The following NBPF26 variants were observed in gnomAD, a reference collection of about 807,000 sequenced individuals.
NBPF26 encodes NBPF family member NBPF26.
Under a neutral mutation model 119.6 loss-of-function variants are expected in NBPF26, and 79 were observed. That is an observed-to-expected ratio of 0.66 (90% CI 0.55 to 0.80). The LOEUF is 0.80. Ranked by LOEUF, NBPF26 falls within the 30% of genes least tolerant of loss-of-function variation. The probability of loss-of-function intolerance (pLI) is 0.00; values close to 1 mark genes in which losing one functional copy is unlikely to be tolerated. For missense variants in NBPF26, 800 were observed against 1,198.2 expected, an observed-to-expected ratio of 0.67 and a Z score of 4.91; for synonymous variants, 299 against 457.7, an observed-to-expected ratio of 0.65 and a Z score of 4.43.
chr1:120,728,084 C>T (rs1356110017), intron 1 of NBPF26, among the ~76,000 whole-genome samples: 2 of 118,260 alleles, frequency 1.7e-5, no homozygotes, highest in Non-Finnish European at 3.3e-5. Flanking sequence ...TCACTGTCCA[C>T]GTTGCTTCCA....
At chr1:120,810,664 T>C (rs1651839218) in intron 9 of NBPF26, 106 bp downstream of exon 9, 1 of 1,292,440 alleles carries the variant, frequency 7.7e-7, no homozygotes, top group East Asian at 2.4e-5. Flanking sequence ...AGTCAGAAAC[T>C]GGGATGGAGC....
Position 120,823,750 on chromosome 1 carries a change from C to CTCTGTG in NBPF26, c.2640-222_2640-217dup, listed in dbSNP as rs1553272341. On this transcript the variant is annotated intron_variant, in intron 17 of 29. Transcript: ENST00000620612. ...TCACCTGACCAATTCACTGAGCTCG[C>CTCTGTG]TCTGTGTGTGTGTGTGTGTGTGTGT... Among the ~76,000 whole-genome samples, 77 of 32,524 alleles carry CTCTGTG rather than the reference C, an allele frequency of 2.4e-3. 19 individuals carry two copies. Among genetic ancestry groups the CTCTGTG allele is most frequent in the African/African-American group, 0.017 (69 of 4,026 alleles). The allele number at this position is 32,524 out of a possible 152,430, so 21.3% of individuals were successfully genotyped here. A position where few individuals can be genotyped will look rare whatever the true frequency, so the allele number is the denominator to read the frequency against.
At chr1:120,832,705 C>T (rs1456093678) in intron 22 of NBPF26, among the ~76,000 whole-genome samples, 170 bp from the exon 27 acceptor site, 25 of 120,040 alleles carry the variant, frequency 2.1e-4, no homozygotes, top group Admixed American at 9.4e-4. Flanking sequence ...GGAGAAAAAC[C>T]GAGGAATTTC....
chr1:120,807,206 A>G (rs1293095149), intron 5 of NBPF26, among the ~76,000 whole-genome samples: 36 of 126,424 alleles, frequency 2.8e-4, no homozygotes, highest in South Asian at 4.7e-4. Context: ...GGAAACCATC[A>G]GTCCCATAGT....
chr1:120,816,308 G>A lies in NBPF26; in HGVS notation c.2165+151G>A, dbSNP rs2101522882. On this transcript the variant is annotated intron_variant, in intron 13 of 29. Transcript: ENST00000620612. ...ATAACCCAGCTTAGACACAGGGTGC[G>A]GTAGCTGTCATGTTTCTCTATGTGT... The A allele has an allele frequency of 2.5e-5, 19 of 767,628 alleles. 2 individuals carry two copies. The highest frequency in any genetic ancestry group is 2.1e-4 in the South Asian group (14 of 67,002). The allele number at this position is 767,628 out of a possible 1,614,324, so 47.6% of individuals were successfully genotyped here.
rs1479038331 is a variant in NBPF26, at chr1:120,806,516, C to T, written c.961+751C>T. ...GCTGAGGCAGAAGAATCCTTTGAACCCAGCAGGCAGATGTTGCAGTGAGCC... is the reference window on the plus strand; with the variant it reads ...GCTGAGGCAGAAGAATCCTTTGAACTCAGCAGGCAGATGTTGCAGTGAGCC... On this transcript the variant is annotated intron_variant, in intron 5 of 29. Coordinates refer to ENST00000620612, the Ensembl canonical transcript of NBPF26. 5.7e-5 allele frequency among the ~76,000 whole-genome samples: 7 copies of T among 123,310 alleles called. 1 individual carries two copies. In the South Asian group the frequency reaches 1.7e-3, roughly 30 times the overall value. The allele number at this position is 123,310 out of a possible 152,430, so 80.9% of individuals were successfully genotyped here.
At chr1:120,804,640 C>A in intron 4 of NBPF26, among the ~76,000 whole-genome samples, 1 of 119,572 alleles carries the variant, frequency 8.4e-6, no homozygotes, top group South Asian at 2.5e-4. Context: ...ACTAGAATGA[C>A]ATCTATAAGT....
exon 9 of NBPF26, chr1:120,810,547 A>G: frequency 6.6e-7 from 1 of 1,508,512 alleles, no homozygotes. Flanking sequence ...GATGCTCTAA[A>G]CATTCTCCCA....
downstream of NBPF26, chr1:120,840,851 C>G: frequency 1.9e-6 from 1 of 518,894 alleles, no homozygotes; most frequent in Non-Finnish European, 3.2e-6. Context: ...TTAATTTGAA[C>G]CACGTATCTC....
rs1454312486 is a variant in NBPF26 at position 120,804,659 on chromosome 1, T to G, written c.752-897T>G. On this transcript the variant is annotated intron_variant, in intron 4 of 29. Transcript: ENST00000620612. The stretch of plus-strand genomic sequence containing the variant: ...GAATGACATCTATAAGTGACAAGTT[T>G]AAAATGTAGTGCTCAGTGACATTAA... 8.3e-3 allele frequency among the ~76,000 whole-genome samples: 1,001 copies of G among 119,996 alleles called. 227 individuals carry two copies. Among genetic ancestry groups the G allele is most frequent in the African/African-American group, 0.043 (962 of 22,454 alleles). 78.7% of individuals were successfully genotyped at this position (119,996 alleles called of 152,430 possible). A position where few individuals can be genotyped will look rare whatever the true frequency, so the allele number is the denominator to read the frequency against.
At position 120,763,099 on chromosome 1, in the gene NBPF26, T is replaced by C. The variant is rs1273126875; in HGVS notation, c.74-529T>C. Among the ~76,000 whole-genome samples, 6 of 67,436 alleles carry C rather than the reference T, an allele frequency of 8.9e-5. 1 individual carries two copies. Among genetic ancestry groups the C allele is most frequent in the Admixed American group, 8.8e-4 (6 of 6,842 alleles). 44.2% of individuals were successfully genotyped at this position (67,436 alleles called of 152,430 possible). A position where few individuals can be genotyped will look rare whatever the true frequency, so the allele number is the denominator to read the frequency against. ...TATTCCATTTCTCCTTTTTTCTGGA[T>C]CCTAATTTTGTGCCTGGTGCATACT... is the stretch of plus-strand genomic sequence containing the variant. On this transcript the variant is annotated intron_variant, in intron 1 of 29. Transcript: ENST00000620612.
intron 27 of NBPF26, among the ~76,000 whole-genome samples, 193 bp from the exon 34 acceptor site, chr1:120,838,546 GTCTATC>G (rs1245915249): frequency 1.5e-4 from 12 of 79,448 alleles, no homozygotes; most frequent in African/African-American, 7.0e-4. Context: ...GTGTGTGTGT[GTCTATC>G]TGTCTTTCTC....
rs1246058665 is a variant in NBPF26, at chr1:120,754,045, CA to C, written c.74-9575del. Reference sequence around the variant, plus strand: ...TGAAACCCTGTCTCTACTAAAAATACAAAAAAAATTAGCCGGATGTGGTGGC... The same window carrying C: ...TGAAACCCTGTCTCTACTAAAAATACAAAAAAATTAGCCGGATGTGGTGGC... On this transcript the variant is annotated intron_variant, in intron 1 of 29. Coordinates refer to ENST00000620612, the Ensembl canonical transcript of NBPF26. Among the ~76,000 whole-genome samples, 2 of 80,316 alleles carry C rather than the reference CA, an allele frequency of 2.5e-5. 1 individual carries two copies. The highest frequency in any genetic ancestry group is 4.3e-5 in the Non-Finnish European group (2 of 46,446). The allele number at this position is 80,316 out of a possible 152,430, so 52.7% of individuals were successfully genotyped here. A position where few individuals can be genotyped will look rare whatever the true frequency, so the allele number is the denominator to read the frequency against.
At position 120,812,186 on chromosome 1, in the gene NBPF26, G is replaced by T. The variant is rs1257872462; in HGVS notation, c.1774+91G>T. The T allele has an allele frequency of 5.4e-5, 49 of 899,366 alleles. 5 individuals are homozygous for T. Among genetic ancestry groups the T allele is most frequent in the Admixed American group, 1.5e-4 (7 of 47,650 alleles). The allele number at this position is 899,366 out of a possible 1,614,324, so 55.7% of individuals were successfully genotyped here. ...AAATGCTCTCTCCATCAAAAATAAT[G>T]TCATCCTCCCCGTACTTCTAGGAAA... On this transcript the variant is annotated intron_variant, in intron 10 of 29. Coordinates refer to ENST00000620612, the Ensembl canonical transcript of NBPF26.
chr1:120,793,174 A>G, exon 4 of NBPF26: 4 of 1,435,484 alleles, frequency 2.8e-6, no homozygotes, highest in Non-Finnish European at 3.7e-6. Flanking sequence ...AGGAGTGCCA[A>G]TGGACCGATG....
chr1:120,785,100 A>C, exon 3 of NBPF26: 1 of 1,446,202 alleles, frequency 6.9e-7, no homozygotes, highest in Non-Finnish European at 9.2e-7. Context: ...GGTGTGCCTC[A>C]GGGTTTACAG....
rs1224449073 is a variant in NBPF26 at position 120,787,935 on chromosome 1, C to A, written c.415+2702C>A. Among the ~76,000 whole-genome samples, 2 of 110,626 alleles carry A rather than the reference C, an allele frequency of 1.8e-5. 1 individual carries two copies. Among genetic ancestry groups the A allele is most frequent in the Non-Finnish European group, 3.4e-5 (2 of 59,062 alleles). 72.6% of individuals were successfully genotyped at this position (110,626 alleles called of 152,430 possible). On this transcript the variant is annotated intron_variant, in intron 3 of 29. Coordinates refer to ENST00000620612, the Ensembl canonical transcript of NBPF26. ...TACAGTCCTCATTTCTGCAGCTGGT[C>A]ACATGGTAGTAGGTGGTATTGATGA...
Position 120,823,779 on chromosome 1 carries a change from T to TGTGTGTGTGG in NBPF26, c.2640-186_2640-185insGGTGTGTGTG, listed in dbSNP as rs1482771437. On this transcript the variant is annotated intron_variant, in intron 17 of 29. Coordinates refer to ENST00000620612, the Ensembl canonical transcript of NBPF26. ...GTGTGTGTGTGTGTGTGTGTGTGTG[T>TGTGTGTGTGG]GTGTGTGTGTGTCTTTCATCTTTTT... 1.8e-5 allele frequency among the ~76,000 whole-genome samples: 2 copies of TGTGTGTGTGG among 114,172 alleles called. 1 individual carries two copies. Among genetic ancestry groups the TGTGTGTGTGG allele is most frequent in the Non-Finnish European group, 3.4e-5 (2 of 58,650 alleles). The allele number at this position is 114,172 out of a possible 152,430, so 74.9% of individuals were successfully genotyped here.
At position 120,822,064 on chromosome 1, in the gene NBPF26, G is replaced by A; in HGVS notation, c.2424-40G>A. The A allele has an allele frequency of 2.1e-6, 3 of 1,438,706 alleles. 1 individual carries two copies. The highest frequency in any genetic ancestry group is 2.8e-6 in the Non-Finnish European group (3 of 1,080,808). The allele number at this position is 1,438,706 out of a possible 1,614,324, so 89.1% of individuals were successfully genotyped here. On this transcript the variant is annotated intron_variant, in intron 15 of 29. Transcript: ENST00000620612. ...AGGTTTTGTTGTCTAAAGTCTGTTG[G>A]TTAAATCTTCTGTCATCCCTGTCCT... is the stretch of plus-strand genomic sequence containing the variant.
Sources: gnomAD v4.1 joint callset for allele counts (sites outside exome capture counted in the v4.1 genomes callset) on GRCh38, gnomAD v4.1.1 for gene constraint, MANE v1.5 for transcripts, NCBI Gene and HGNC (gene_info 2026-07-23, HGNC 2026-07-21) for gene names.